Variants in STXBP5L observed in about 807,000 individuals in gnomAD.
The protein encoded by STXBP5L is syntaxin binding protein 5L.
In STXBP5L, 65 loss-of-function variants were observed where a neutral mutation model predicts 144.5. That is an observed-to-expected ratio of 0.45 (90% CI 0.37 to 0.55). The LOEUF (loss-of-function observed/expected upper bound fraction) is 0.55. Ranked by LOEUF, STXBP5L falls within the 20% of genes least tolerant of loss-of-function variation. The pLI is 0.00. For missense variants in STXBP5L, 1,298 were observed against 1,405.5 expected (o/e 0.92, Z 1.22); for synonymous variants, 505 against 469.6 (o/e 1.08, Z -0.97).
chr3:120,973,260 T>C (rs919256381), intron 3 of STXBP5L, among the ~76,000 whole-genome samples: 3 of 152,120 alleles, frequency 2.0e-5, no homozygotes, highest in Non-Finnish European at 4.4e-5. Context: ...TCATTATTGG[T>C]ATTTTCTTGA....
chr3:121,119,969 G>A (rs1179463128), intron 6 of STXBP5L, among the ~76,000 whole-genome samples: 2 of 151,192 alleles, frequency 1.3e-5, no homozygotes, highest in African/African-American at 4.8e-5. Flanking sequence ...TCCGAGTAGT[G>A]TTTCCCAAAA....
intron 20 of STXBP5L, among the ~76,000 whole-genome samples, chr3:121,345,874 C>T (rs1401756506): frequency 6.6e-6 from 1 of 151,980 alleles, no homozygotes; most frequent in East Asian, 1.9e-4. Flanking sequence ...GCCTCCTTCC[C>T]TAATCCCAAA....
At chr3:121,258,368 G>A (rs956952432) in intron 17 of STXBP5L, among the ~76,000 whole-genome samples, 1 of 152,164 alleles carries the variant, frequency 6.6e-6, no homozygotes, top group Non-Finnish European at 1.5e-5. Context: ...AAAATTTAGA[G>A]ATAAGATTTT....
At chr3:121,112,186 C>T (rs1182903447) in intron 5 of STXBP5L, among the ~76,000 whole-genome samples, 2 of 152,008 alleles carry the variant, frequency 1.3e-5, no homozygotes, top group Non-Finnish European at 2.9e-5. Context: ...GGCAGCTGCC[C>T]CTCCCCTCAG....
At chr3:121,296,233 T>C (rs954113646) in intron 19 of STXBP5L, among the ~76,000 whole-genome samples, 7 of 152,236 alleles carry the variant, frequency 4.6e-5, no homozygotes, top group Non-Finnish European at 8.8e-5. Context: ...AATTTCATCA[T>C]TTAGTGCTCA....
chr3:121,305,869 T>A (rs2043320855), intron 19 of STXBP5L, among the ~76,000 whole-genome samples: 1 of 152,142 alleles, frequency 6.6e-6, no homozygotes, highest in African/African-American at 2.4e-5. Context: ...GCCAATGGTA[T>A]GATGGTGTAT....
chr3:121,052,947 A>C (rs941727300), intron 5 of STXBP5L, among the ~76,000 whole-genome samples: 34 of 151,966 alleles, frequency 2.2e-4, no homozygotes, highest in East Asian at 3.9e-4. Flanking sequence ...TCTTATACAC[A>C]AATAACAGAC....
chr3:121,033,618 G>A (rs992128239), intron 3 of STXBP5L, among the ~76,000 whole-genome samples: 2 of 150,452 alleles, frequency 1.3e-5, no homozygotes, highest in African/African-American at 4.9e-5. Flanking sequence ...ATAAATTCGT[G>A]TGTTTTTTAT....
rs1054581052 is a variant in STXBP5L, at chr3:121,040,408, G to A, written c.288-1292G>A. ...ATTCTGAGGGTTTGCACTTTTGTTG[G>A]TGGGAACATGAAAAATTCTTGCCTC... On this transcript the variant is annotated intron_variant, in intron 3 of 26. Coordinates refer to ENST00000471454, the MANE Select transcript of STXBP5L (RefSeq NM_001308330.2). Among the ~76,000 whole-genome samples, 20 of 152,132 alleles carry A rather than the reference G, an allele frequency of 1.3e-4. 1 individual carries two copies. Among genetic ancestry groups the A allele is most frequent in the South Asian group, 1.2e-3 (6 of 4,810 alleles).
intron 19 of STXBP5L, among the ~76,000 whole-genome samples, chr3:121,287,432 C>G (rs7622859): frequency 0.1 from 15,125 of 146,910 alleles, 1,185 homozygotes; most frequent in Admixed American, 0.21. Context: ...CATTGTATTT[C>G]TATATGCATA....
At chr3:121,071,066 C>A (rs1381440328) in intron 5 of STXBP5L, among the ~76,000 whole-genome samples, 1 of 152,116 alleles carries the variant, frequency 6.6e-6, no homozygotes, top group Admixed American at 6.5e-5. Context: ...GTTTTAGTCA[C>A]ACCTTTTCTG....
At chr3:120,989,468 C>T (rs1434275130) in intron 3 of STXBP5L, among the ~76,000 whole-genome samples, 1 of 152,074 alleles carries the variant, frequency 6.6e-6, no homozygotes, top group Non-Finnish European at 1.5e-5. Context: ...TTTGCCCACT[C>T]TTTAATGGGT....
intron 20 of STXBP5L, among the ~76,000 whole-genome samples, chr3:121,368,538 G>T (rs933843913): frequency 4.0e-5 from 6 of 150,652 alleles, no homozygotes; most frequent in African/African-American, 1.5e-4. Flanking sequence ...GTCTCTTTGT[G>T]TACATTATGA....
At chr3:121,135,440 G>T (rs2045204387) in intron 7 of STXBP5L, among the ~76,000 whole-genome samples, 1 of 152,142 alleles carries the variant, frequency 6.6e-6, no homozygotes, top group Non-Finnish European at 1.5e-5. Flanking sequence ...TCACCATAAT[G>T]TAGAATCAGT....
At chr3:120,966,782 C>T (rs1313137775) in intron 3 of STXBP5L, among the ~76,000 whole-genome samples, 2 of 152,120 alleles carry the variant, frequency 1.3e-5, no homozygotes, top group Non-Finnish European at 2.9e-5. Context: ...GGCAGTGTGT[C>T]CGTTCTCAGA....
intron 5 of STXBP5L, among the ~76,000 whole-genome samples, chr3:121,048,023 CT>C (rs1947645274): frequency 1.3e-5 from 2 of 152,062 alleles, no homozygotes; most frequent in African/African-American, 4.8e-5. Flanking sequence ...CTTTCAGGAC[CT>C]CTTGTAAGGC....
chr3:121,172,913 A>G (rs2046783530), intron 9 of STXBP5L, among the ~76,000 whole-genome samples: 1 of 152,238 alleles, frequency 6.6e-6, no homozygotes, highest in Non-Finnish European at 1.5e-5. Context: ...CACAATAGCA[A>G]ATACTTGGAA....
At chr3:120,938,019 T>A (rs984789361) in intron 2 of STXBP5L, among the ~76,000 whole-genome samples, 3 of 152,232 alleles carry the variant, frequency 2.0e-5, no homozygotes, top group Non-Finnish European at 4.4e-5. Context: ...AGTTTTTTTT[T>A]ATTTTACAAG....
intron 3 of STXBP5L, among the ~76,000 whole-genome samples, chr3:120,996,814 T>C (rs1234121156): frequency 6.6e-6 from 1 of 152,196 alleles, no homozygotes; most frequent in African/African-American, 2.4e-5. Context: ...TTCCAACTTT[T>C]ATTCTAGGTT....
Sources: allele counts gnomAD v4.1 joint callset (sites outside exome capture counted in the v4.1 genomes callset), GRCh38; gene constraint gnomAD v4.1.1; transcripts MANE v1.5; gene names NCBI Gene and HGNC (gene_info 2026-07-23, HGNC 2026-07-21).